Variants in NKAIN2 observed in about 807,000 individuals in gnomAD.
NKAIN2 encodes sodium/potassium-transporting ATPase subunit beta-1-interacting protein 2.
Under a neutral mutation model 32.6 loss-of-function variants are expected in NKAIN2, and 14 were observed. The observed-to-expected ratio is 0.43, with a 90% CI of 0.28 to 0.67. NKAIN2 has a LOEUF of 0.67. NKAIN2 is among the 30% of genes least tolerant of loss of function. The pLI is 0.17. For synonymous variants in NKAIN2, 80 were observed against 87.2 expected (o/e 0.92, Z 0.46); for missense variants, 198 against 258.3 (o/e 0.77, Z 1.60).
chr6:124,302,589 A>G (rs993913759), intron 2 of NKAIN2, among the ~76,000 whole-genome samples: 1 of 152,170 alleles, frequency 6.6e-6, no homozygotes, highest in Non-Finnish European at 1.5e-5. Flanking sequence ...TTGCATATTA[A>G]GTTTCTTATA....
At chr6:124,556,711 C>T (rs531865937) in intron 3 of NKAIN2, among the ~76,000 whole-genome samples, 21 of 152,178 alleles carry the variant, frequency 1.4e-4, no homozygotes, top group African/African-American at 4.3e-4. Context: ...TAAAATTAGT[C>T]CCCACAAAAC....
intron 3 of NKAIN2, among the ~76,000 whole-genome samples, chr6:124,518,141 T>C (rs1398919266): frequency 6.6e-6 from 1 of 152,084 alleles, no homozygotes; most frequent in Non-Finnish European, 1.5e-5. Flanking sequence ...TTTATTTTAT[T>C]ATGCCATTAC....
At chr6:124,612,028 TCTTA>T (rs1782709946) in intron 3 of NKAIN2, among the ~76,000 whole-genome samples, 1 of 152,108 alleles carries the variant, frequency 6.6e-6, no homozygotes, top group Non-Finnish European at 1.5e-5. Context: ...TTTTAAGCCC[TCTTA>T]CTTAGAATTA....
chr6:124,804,452 C>G (rs1780424240), intron 5 of NKAIN2: 3 of 934,032 alleles, frequency 3.2e-6, no homozygotes, highest in Non-Finnish European at 3.8e-6. Context: ...TTTTCACTTT[C>G]ATTGTTTAGC....
chr6:124,384,173 C>T (rs749365044), intron 3 of NKAIN2, among the ~76,000 whole-genome samples: 1 of 152,006 alleles, frequency 6.6e-6, no homozygotes, highest in African/African-American at 2.4e-5. Context: ...TATCTGTCTC[C>T]CCAGACCTGG....
chr6:124,583,500 A>ATCATGTATTG (rs1429361667), intron 3 of NKAIN2, among the ~76,000 whole-genome samples: 1 of 152,216 alleles, frequency 6.6e-6, no homozygotes, highest in African/African-American at 2.4e-5. Flanking sequence ...ATATTCTATG[A>ATCATGTATTG]TCATGTATTG....
intron 5 of NKAIN2, among the ~76,000 whole-genome samples, chr6:124,810,378 C>T (rs1780834837): frequency 6.6e-6 from 1 of 151,746 alleles, no homozygotes; most frequent in Admixed American, 6.6e-5. Context: ...TAAACTATCA[C>T]AAGAACAAAA....
At chr6:124,473,590 G>A (rs1040209062) in intron 3 of NKAIN2, among the ~76,000 whole-genome samples, 1 of 152,016 alleles carries the variant, frequency 6.6e-6, no homozygotes, top group Non-Finnish European at 1.5e-5. Flanking sequence ...TCCTTACATA[G>A]CTGTTTTACA....
intron 3 of NKAIN2, among the ~76,000 whole-genome samples, chr6:124,535,322 G>A (rs143726088): frequency 7.2e-5 from 11 of 152,304 alleles, no homozygotes; most frequent in African/African-American, 2.4e-4. Context: ...AAGACTGGTT[G>A]ATTGGCTCAC....
intron 3 of NKAIN2, among the ~76,000 whole-genome samples, chr6:124,371,266 C>T (rs775586209): frequency 6.6e-6 from 1 of 151,910 alleles, no homozygotes; most frequent in Non-Finnish European, 1.5e-5. Flanking sequence ...ATGTTCCATG[C>T]AAGGAAACAT....
chr6:124,379,219 A>AG (rs1800144946), intron 3 of NKAIN2, among the ~76,000 whole-genome samples: 1 of 2,012 alleles, frequency 5.0e-4, no homozygotes, highest in African/African-American at 2.1e-3. Flanking sequence ...GAGGGAAAGG[A>AG]GGGAAGAGGG....
intron 3 of NKAIN2, among the ~76,000 whole-genome samples, chr6:124,582,700 A>G (rs1208589091): frequency 6.6e-6 from 1 of 152,208 alleles, no homozygotes; most frequent in Non-Finnish European, 1.5e-5. Flanking sequence ...ATGCCTGATG[A>G]ATGTTTATGC....
intron 3 of NKAIN2, among the ~76,000 whole-genome samples, chr6:124,589,396 T>G (rs1781826279): frequency 6.6e-6 from 1 of 152,170 alleles, no homozygotes; most frequent in Admixed American, 6.5e-5. Flanking sequence ...TCGTTAAATA[T>G]TATATGACCT....
rs530563041 is a variant in NKAIN2, at chr6:124,163,340, T to C, written c.55-119665T>C. Among the ~76,000 whole-genome samples, 164 of 152,118 alleles carry C rather than the reference T, an allele frequency of 1.1e-3. 1 individual carries two copies. The highest frequency in any genetic ancestry group is 3.5e-3 in the African/African-American group (146 of 41,544). On this transcript the variant is annotated intron_variant, in intron 1 of 6. Transcript: ENST00000368417. ...TGTTTGTGAATCTAAAAGATGCCCATAAGAAATGGAATGAAACCATTAAGG... is the reference window on the plus strand; with the variant it reads ...TGTTTGTGAATCTAAAAGATGCCCACAAGAAATGGAATGAAACCATTAAGG...
chr6:124,541,589 T>C (rs1779914617), intron 3 of NKAIN2, among the ~76,000 whole-genome samples: 1 of 152,162 alleles, frequency 6.6e-6, no homozygotes, highest in Non-Finnish European at 1.5e-5. Flanking sequence ...ATGTCTTTAA[T>C]ACTGTGACAT....
intron 3 of NKAIN2, among the ~76,000 whole-genome samples, chr6:124,446,416 C>T (rs1775895235): frequency 6.6e-6 from 1 of 152,072 alleles, no homozygotes; most frequent in African/African-American, 2.4e-5. Context: ...GATCTCAGCT[C>T]ACCACAGCCT....
chr6:124,497,794 C>A (rs1583340041), intron 3 of NKAIN2, among the ~76,000 whole-genome samples: 1 of 116,438 alleles, frequency 8.6e-6, no homozygotes. Context: ...TCAAATTTCA[C>A]AGTTTTAGAT....
intron 3 of NKAIN2, among the ~76,000 whole-genome samples, chr6:124,356,940 G>A (rs766536112): frequency 1.6e-4 from 25 of 152,156 alleles, no homozygotes; most frequent in Non-Finnish European, 3.2e-4. Flanking sequence ...TTAATATTAA[G>A]AAAAGAGAGA....
rs140704792 is a variant in NKAIN2 at position 124,362,642 on chromosome 6, A to G, written c.273+7295A>G. Among the ~76,000 whole-genome samples, 157 of 152,184 alleles carry G rather than the reference A, an allele frequency of 1.0e-3. 2 individuals are homozygous for G. In the East Asian group the frequency reaches 0.026, roughly 25 times the overall value. On this transcript the variant is annotated intron_variant, in intron 3 of 6. Transcript: ENST00000368417. ...TCAGTCTTGACCTTGTTGCTAAGTT[A>G]ATGTGTCACATCTCCAACTTCCTGC...
Sources: allele counts gnomAD v4.1 joint callset (sites outside exome capture counted in the v4.1 genomes callset), GRCh38; gene constraint gnomAD v4.1.1; transcripts MANE v1.5; gene names NCBI Gene and HGNC (gene_info 2026-07-23, HGNC 2026-07-21).